MAGI2: variants seen among roughly 807,000 people sequenced by gnomAD.
MAGI2 encodes membrane-associated guanylate kinase, WW and PDZ domain-containing protein 2.
MAGI2 carries 35 observed loss-of-function variants against 133.3 expected under a neutral mutation model. The ratio of observed to expected loss-of-function variants is 0.26; its 90% confidence interval spans 0.20 to 0.35. The LOEUF (loss-of-function observed/expected upper bound fraction) is 0.35, where lower values mean the gene tolerates loss of function less well. Ranked by LOEUF, MAGI2 falls within the 10% of genes least tolerant of loss-of-function variation. The pLI is 1.00. For missense variants in MAGI2, 1,636 were observed against 1,863.4 expected, an observed-to-expected ratio of 0.88 and a Z score of 2.25; for synonymous variants, 729 against 710.6, an observed-to-expected ratio of 1.03 and a Z score of -0.41.
intron 1 of MAGI2, among the ~76,000 whole-genome samples, chr7:79,380,410 C>T (rs67145529): frequency 6.6e-6 from 1 of 151,588 alleles, no homozygotes; most frequent in South Asian, 2.1e-4. Context: ...TCTTTGCTAG[C>T]TGAATAGAAC....
chr7:79,264,249 AAC>A (rs1222067938), intron 1 of MAGI2, among the ~76,000 whole-genome samples: 3 of 152,146 alleles, frequency 2.0e-5, no homozygotes, highest in African/African-American at 7.2e-5. Flanking sequence ...TGAATCTCCT[AAC>A]ACAGATTTTT....
At chr7:78,070,106 TACACAC>T (rs67410981) in intron 21 of MAGI2, among the ~76,000 whole-genome samples, 2 of 79,662 alleles carry the variant, frequency 2.5e-5, no homozygotes, top group Non-Finnish European at 2.9e-5. Flanking sequence ...CACACACACA[TACACAC>T]ACACACACAC....
intron 2 of MAGI2, chr7:78,901,635 G>A (rs957812301): frequency 1.6e-4 from 24 of 151,798 alleles, no homozygotes; most frequent in African/African-American, 5.1e-4. Context: ...AATTTTGTTG[G>A]TGTCATGTAG....
At chr7:78,719,151 C>T (rs1820012040) in intron 2 of MAGI2, among the ~76,000 whole-genome samples, 1 of 152,106 alleles carries the variant, frequency 6.6e-6, no homozygotes, top group Admixed American at 6.6e-5. Flanking sequence ...TTCCCTATAC[C>T]TTCTATGTGA....
chr7:78,524,239 C>T (rs961691858), intron 3 of MAGI2, among the ~76,000 whole-genome samples: 19 of 152,192 alleles, frequency 1.2e-4, no homozygotes, highest in African/African-American at 4.3e-4. Context: ...GAGCCTCTCC[C>T]TGCCCCTGCT....
At chr7:79,345,222 C>T (rs942052742) in intron 1 of MAGI2, among the ~76,000 whole-genome samples, 9 of 152,040 alleles carry the variant, frequency 5.9e-5, no homozygotes, top group Non-Finnish European at 8.8e-5. Context: ...CTTATGAAAA[C>T]GAGAAATGTG....
intron 20 of MAGI2, among the ~76,000 whole-genome samples, chr7:78,110,754 C>A (rs1382734423): frequency 5.9e-5 from 9 of 152,172 alleles, no homozygotes; most frequent in African/African-American, 2.2e-4. Context: ...GCAATGCCAT[C>A]TCTGAGTTCA....
intron 2 of MAGI2, among the ~76,000 whole-genome samples, chr7:78,764,910 TA>T (rs144447878): frequency 8.1e-6 from 1 of 124,006 alleles, no homozygotes; most frequent in Admixed American, 8.0e-5. Flanking sequence ...CACAACTTAT[TA>T]CCAGCTTAGT....
At chr7:78,255,763 A>G (rs994910170) in intron 10 of MAGI2, 180 bp downstream of exon 10, 5 of 671,452 alleles carry the variant, frequency 7.4e-6, no homozygotes, top group Non-Finnish European at 1.3e-5. Flanking sequence ...AGAAAAAGAC[A>G]TATTCTGAAT....
At chr7:78,254,269 G>C (rs557946075) in intron 10 of MAGI2, 5 of 152,294 alleles carry the variant, frequency 3.3e-5, no homozygotes, top group African/African-American at 1.2e-4. Context: ...CATGCTTTTA[G>C]AAGAAGCTGT....
chr7:79,194,593 C>T (rs946454487), intron 1 of MAGI2, among the ~76,000 whole-genome samples: 7 of 151,802 alleles, frequency 4.6e-5, no homozygotes, highest in African/African-American at 1.7e-4. Flanking sequence ...TACATTGAAT[C>T]TAGTTAAAAG....
At chr7:79,329,511 A>G (rs906179687) in intron 1 of MAGI2, among the ~76,000 whole-genome samples, 2 of 152,234 alleles carry the variant, frequency 1.3e-5, no homozygotes, top group African/African-American at 2.4e-5. Flanking sequence ...ACTTCTTAGT[A>G]TGGTTACTAT....
At chr7:79,186,683 G>A (rs989255365) in intron 1 of MAGI2, among the ~76,000 whole-genome samples, 2 of 125,276 alleles carry the variant, frequency 1.6e-5, no homozygotes, top group African/African-American at 8.4e-5. Context: ...CATTTTATAC[G>A]AGTATATATA....
intron 21 of MAGI2, among the ~76,000 whole-genome samples, chr7:78,077,681 G>T (rs904123377): frequency 6.8e-6 from 1 of 146,124 alleles, no homozygotes; most frequent in African/African-American, 2.5e-5. Flanking sequence ...TTTAGACAAT[G>T]TATGCAAAAA....
intron 1 of MAGI2, among the ~76,000 whole-genome samples, chr7:79,239,377 CAA>C (rs1384086386): frequency 2.0e-5 from 3 of 152,058 alleles, no homozygotes; most frequent in Admixed American, 2.0e-4. Flanking sequence ...TTTATTTCCT[CAA>C]AGTGTTATGA....
At chr7:78,450,978 TGACAAGTAA>T (rs1189020548) in intron 6 of MAGI2, among the ~76,000 whole-genome samples, 2 of 152,078 alleles carry the variant, frequency 1.3e-5, no homozygotes, top group African/African-American at 4.8e-5. Flanking sequence ...TGATAGGGCA[TGACAAGTAA>T]GAAAAGACAG....
intron 2 of MAGI2, among the ~76,000 whole-genome samples, chr7:78,657,747 T>C (rs978890629): frequency 1.1e-4 from 16 of 152,338 alleles, no homozygotes; most frequent in Admixed American, 6.5e-4. Flanking sequence ...GTGGTTACTA[T>C]ACATTTGTCC....
chr7:78,632,470 A>G (rs1204482489), intron 2 of MAGI2, among the ~76,000 whole-genome samples: 4 of 152,190 alleles, frequency 2.6e-5, no homozygotes, highest in African/African-American at 9.7e-5. Flanking sequence ...AGTGTTAGCT[A>G]AGTGGGAGAC....
At chr7:78,351,860 T>A (rs192346775) in intron 7 of MAGI2, 172 of 152,332 alleles carry the variant, frequency 1.1e-3, no homozygotes, top group African/African-American at 4.0e-3. Context: ...TAGAAGGATC[T>A]TCTGGAGCCA....
Sources: allele counts gnomAD v4.1 joint callset (sites outside exome capture counted in the v4.1 genomes callset), GRCh38; gene constraint gnomAD v4.1.1; transcripts MANE v1.5; gene names NCBI Gene and HGNC (gene_info 2026-07-23, HGNC 2026-07-21).